COL12A1: variants seen among roughly 807,000 people sequenced by gnomAD.
The protein encoded by COL12A1 is collagen type XII alpha 1 chain, also known as collagen alpha-1(XII) chain.
COL12A1 carries 114 observed loss-of-function variants against 349.7 expected under a neutral mutation model. The observed-to-expected ratio is 0.33, with a 90% CI of 0.28 to 0.38. COL12A1 has a LOEUF of 0.38. Among genes scored for constraint, COL12A1 ranks in the 10% least tolerant of loss-of-function variants. The pLI is 1.00. For synonymous variants in COL12A1, 1,369 were observed against 1,329.0 expected (o/e 1.03, Z -0.66); for missense variants, 3,284 against 3,756.9 (o/e 0.87, Z 3.29).
At chr6:75,174,029 A>C (rs972041549) in intron 13 of COL12A1, among the ~76,000 whole-genome samples, 13 of 152,186 alleles carry the variant, frequency 8.5e-5, no homozygotes, top group Non-Finnish European at 7.3e-5. Context: ...GGTGCAATTA[A>C]ATTTGTATTT....
At position 75,085,253 on chromosome 6, in the gene COL12A1, T is replaced by G; in HGVS notation, c.*1294A>C. 1 of 470,866 alleles carries G rather than the reference T, an allele frequency of 2.1e-6. No homozygotes were observed. The highest frequency in any genetic ancestry group is 4.4e-6 in the Non-Finnish European group (1 of 227,058). 29.2% of individuals were successfully genotyped at this position (470,866 alleles called of 1,614,324 possible). The stretch of plus-strand genomic sequence containing the variant: ...GCCGGTGGGGCTCAGGAGGCTCCTC[T>G]GCAGGCTCGTCTGCGCCGTAGTCCT... On this transcript the variant is annotated 3_prime_UTR_variant, in exon 66 of 66. Transcript: ENST00000322507.
chr6:75,173,760 T>C (rs1486253118), intron 13 of COL12A1, among the ~76,000 whole-genome samples: 3 of 152,202 alleles, frequency 2.0e-5, no homozygotes, highest in Admixed American at 6.5e-5. Context: ...CTATTGTATG[T>C]CCTGTCTCAT....
At position 75,148,452 on chromosome 6, in the gene COL12A1, T is replaced by C. The variant is rs764568926; in HGVS notation, c.4193A>G (p.His1398Arg). The C allele has an allele frequency of 1.9e-6, 3 of 1,613,494 alleles. No individual in the cohort carries two copies. The East Asian group carries it at 6.7e-5, about 36-fold the overall frequency. ...PSNLVISERTHRSFRVSWTPP... is the reference protein window; with the variant it reads ...PSNLVISERTRRSFRVSWTPP... ...TGTCCAGCTCACTCTAAAAGAACGA[T>C]GGGTTCGCTCAGAAATAACTAAGTT... Residue 1398 changes from histidine to arginine, a missense_variant, in exon 22 of 66, where the codon CAT (histidine) becomes CGT (arginine). By Grantham distance (29) the His-to-Arg change is conservative (BLOSUM62 0). This residue lies in a region of COL12A1 where 2,601 missense variants were observed against 2,824.8 expected (regional missense o/e 0.92). Transcript: ENST00000322507.
intron 5 of COL12A1, among the ~76,000 whole-genome samples, chr6:75,190,150 C>G (rs984252180): frequency 6.6e-6 from 1 of 151,900 alleles, no homozygotes; most frequent in Non-Finnish European, 1.5e-5. Context: ...TTTTTATAAA[C>G]TATACCCTCA....
At chr6:75,172,081 T>G (rs939996167) in intron 13 of COL12A1, among the ~76,000 whole-genome samples, 1 of 152,248 alleles carries the variant, frequency 6.6e-6, no homozygotes, top group Non-Finnish European at 1.5e-5. Flanking sequence ...CTTTTAAAAT[T>G]TATTTTACTA....
In COL12A1 at chr6:75,086,494, C is replaced by G. The variant is rs902120325; in HGVS notation, c.*53G>C. ...AGCACGTGCGCAAACATCTCAGAAA[C>G]AGGATTTTCATGTATTCAAACTGTA... On this transcript the variant is annotated 3_prime_UTR_variant, in exon 66 of 66. Coordinates refer to ENST00000322507, the MANE Select transcript of COL12A1 (RefSeq NM_004370.6). 1 of 1,560,712 alleles carries G rather than the reference C, an allele frequency of 6.4e-7. No homozygotes were observed. Among genetic ancestry groups the G allele is most frequent in the Admixed American group, 1.7e-5 (1 of 57,506 alleles).
intron 34 of COL12A1, 52 bp downstream of exon 34, chr6:75,133,241 A>C: frequency 6.7e-7 from 1 of 1,481,674 alleles, no homozygotes; most frequent in African/African-American, 1.4e-5. Flanking sequence ...GGTCTTTATA[A>C]TGAAAAGCAA....
chr6:75,187,940 C>A (rs1370213134), intron 8 of COL12A1, among the ~76,000 whole-genome samples: 1 of 151,150 alleles, frequency 6.6e-6, no homozygotes, highest in African/African-American at 2.4e-5. Context: ...TGATAGAAAA[C>A]CCTTGTCCTT....
At chr6:75,203,228 C>A (rs1465789663) in intron 1 of COL12A1, among the ~76,000 whole-genome samples, 1 of 152,088 alleles carries the variant, frequency 6.6e-6, no homozygotes, top group African/African-American at 2.4e-5. Context: ...CTGATGAACT[C>A]TTTAGGTAAC....
rs891244317 is a variant in COL12A1, at chr6:75,085,295, C to T, written c.*1252G>A. The T allele has an allele frequency of 4.2e-6, 2 of 470,962 alleles. No homozygotes were observed. The highest frequency in any genetic ancestry group is 4.0e-5 in the African/African-American group (2 of 50,058). The allele number at this position is 470,962 out of a possible 1,614,324, so 29.2% of individuals were successfully genotyped here. Reference sequence around the variant, plus strand: ...CGTAGTCCTCGTATTCCGCTGTCCGCTCGGGCTCCACCGGCACGATGAAGG... The same window carrying T: ...CGTAGTCCTCGTATTCCGCTGTCCGTTCGGGCTCCACCGGCACGATGAAGG... On this transcript the variant is annotated 3_prime_UTR_variant, in exon 66 of 66. Transcript: ENST00000322507.
chr6:75,103,888 A>G, intron 54 of COL12A1, 78 bp from the exon 55 acceptor site: 1 of 1,109,386 alleles, frequency 9.0e-7, no homozygotes, highest in Non-Finnish European at 1.3e-6. Context: ...CCTTCAAGAA[A>G]AAGTGCAATT....
intron 32 of COL12A1, among the ~76,000 whole-genome samples, chr6:75,134,464 G>C (rs1004527161): frequency 6.6e-6 from 1 of 151,898 alleles, no homozygotes; most frequent in Non-Finnish European, 1.5e-5. Flanking sequence ...CCAGCTATTC[G>C]GGAGCCTGAG....
intron 14 of COL12A1, among the ~76,000 whole-genome samples, chr6:75,163,817 C>G (rs890216050): frequency 6.6e-6 from 1 of 152,132 alleles, no homozygotes; most frequent in Non-Finnish European, 1.5e-5. Flanking sequence ...CTTTTGGCGA[C>G]AACACATCTC....
chr6:75,116,329 G>A (rs1285417508), intron 47 of COL12A1, among the ~76,000 whole-genome samples: 1 of 152,020 alleles, frequency 6.6e-6, no homozygotes, highest in African/African-American at 2.4e-5. Flanking sequence ...AAGAATTACA[G>A]GAGGAATTTT....
chr6:75,149,622 G>T lies in COL12A1; in HGVS notation c.4148-1125C>A, dbSNP rs150888645. ...AAAATGGCCCAAATAATAATTAAAA[G>T]AGAAAGGGATTAATCCAATAACTCC... On this transcript the variant is annotated intron_variant, in intron 21 of 65. Transcript: ENST00000322507. Among the ~76,000 whole-genome samples the T allele has an allele frequency of 1.1e-3, 171 of 152,130 alleles. 1 individual carries two copies. Among genetic ancestry groups the T allele is most frequent in the African/African-American group, 3.7e-3 (155 of 41,546 alleles).
chr6:75,202,350 G>A (rs1250030796), intron 2 of COL12A1, among the ~76,000 whole-genome samples: 2 of 152,228 alleles, frequency 1.3e-5, no homozygotes, highest in Non-Finnish European at 2.9e-5. Flanking sequence ...GCTCTTCGGG[G>A]CTCCTGGGTG....
At chr6:75,121,205 CAG>C in intron 44 of COL12A1, 95 bp downstream of exon 44, 4 of 1,182,582 alleles carry the variant, frequency 3.4e-6, no homozygotes, top group Non-Finnish European at 4.5e-6. Flanking sequence ...AAGGTCAAAA[CAG>C]AGTTTATATT....
At chr6:75,161,660 A>G (rs571487477) in intron 14 of COL12A1, among the ~76,000 whole-genome samples, 1 of 152,214 alleles carries the variant, frequency 6.6e-6, no homozygotes, top group Admixed American at 6.5e-5. Context: ...GGCCAAGGCA[A>G]TCAGGCAAGA....
intron 16 of COL12A1, 48 bp from the exon 17 acceptor site, chr6:75,154,585 G>A: frequency 6.6e-7 from 1 of 1,524,964 alleles, no homozygotes; most frequent in Non-Finnish European, 8.8e-7. Context: ...ATAGGCTCAA[G>A]TGGTAGCACT....
Sources: gnomAD v4.1 joint callset for allele counts (sites outside exome capture counted in the v4.1 genomes callset) on GRCh38, gnomAD v4.1.1 for gene constraint, gnomAD v4.1.1 regional missense constraint, MANE v1.5 for transcripts, NCBI Gene and HGNC (gene_info 2026-07-23, HGNC 2026-07-21) for gene names.